The following DNER variants were observed in gnomAD, a reference collection of about 807,000 sequenced individuals.
DNER encodes the protein delta/notch like EGF repeat containing.
Under a neutral mutation model 78.2 loss-of-function variants are expected in DNER, and 33 were observed. The observed-to-expected ratio is 0.42, with a 90% CI of 0.32 to 0.56. DNER has a LOEUF of 0.56. DNER is among the 20% of genes least tolerant of loss of function. DNER has a pLI of 0.11. For synonymous variants in DNER, 417 were observed against 384.8 expected (o/e 1.08, Z -0.98); for missense variants, 918 against 975.3 (o/e 0.94, Z 0.78).
At chr2:229,558,895 C>T (rs529916679) in intron 4 of DNER, among the ~76,000 whole-genome samples, 10 of 152,258 alleles carry the variant, frequency 6.6e-5, no homozygotes, top group Admixed American at 1.3e-4. Context: ...AGATCACAAC[C>T]GGTCTCATGA....
chr2:229,556,192 A>C (rs1696853698), intron 4 of DNER, among the ~76,000 whole-genome samples: 1 of 152,234 alleles, frequency 6.6e-6, no homozygotes, highest in South Asian at 2.1e-4. Context: ...TCCTTGATGA[A>C]CACTTACTGA....
At chr2:229,667,968 A>G (rs139668140) in intron 1 of DNER, among the ~76,000 whole-genome samples, 208 of 152,342 alleles carry the variant, frequency 1.4e-3, no homozygotes, top group Non-Finnish European at 2.6e-3. Flanking sequence ...GGCAGTGACC[A>G]TGTCAGAGAA....
intron 1 of DNER, among the ~76,000 whole-genome samples, chr2:229,709,995 C>A (rs535696170): frequency 6.6e-6 from 1 of 152,156 alleles, no homozygotes; most frequent in African/African-American, 2.4e-5. Flanking sequence ...CAAGCAAGAG[C>A]GGCCTCAATT....
chr2:229,446,366 G>T (rs1694341627), intron 8 of DNER, among the ~76,000 whole-genome samples: 1 of 152,220 alleles, frequency 6.6e-6, no homozygotes, highest in African/African-American at 2.4e-5. Context: ...TGATATTGTA[G>T]GTGACTGTCG....
intron 11 of DNER, among the ~76,000 whole-genome samples, chr2:229,374,909 G>C (rs1455863078): frequency 1.3e-5 from 2 of 152,180 alleles, no homozygotes; most frequent in Non-Finnish European, 1.5e-5. Context: ...GCGTCAAGAT[G>C]TAAAACATAC....
intron 5 of DNER, among the ~76,000 whole-genome samples, chr2:229,518,953 CT>C (rs11441895): frequency 0.016 from 2,349 of 145,344 alleles, 21 homozygotes; most frequent in Middle Eastern, 0.032. Context: ...TGCGATTACT[CT>C]TTTTTTTTTT....
At chr2:229,499,792 A>G (rs1180861287) in intron 6 of DNER, among the ~76,000 whole-genome samples, 6 of 152,224 alleles carry the variant, frequency 3.9e-5, no homozygotes, top group Admixed American at 3.3e-4. Flanking sequence ...AACCTGCAGA[A>G]TAAGAGAAAA....
chr2:229,387,515 G>GA lies in DNER; in HGVS notation c.1855+749dup, dbSNP rs200985000. Among the ~76,000 whole-genome samples the GA allele has an allele frequency of 4.2e-3, 307 of 73,628 alleles. 3 individuals carry two copies. The highest frequency in any genetic ancestry group is 0.012 in the Middle Eastern group (2 of 164). The allele number at this position is 73,628 out of a possible 152,430, so 48.3% of individuals were successfully genotyped here. On this transcript the variant is annotated intron_variant, in intron 11 of 12. Transcript: ENST00000341772. Reference sequence around the variant, plus strand: ...AGAAAGAAAGAAAGAAAGAGAGAAAGAAAGAAAGAAAGAAAGAAAGAAAGA... The same window carrying GA: ...AGAAAGAAAGAAAGAAAGAGAGAAAGAAAAGAAAGAAAGAAAGAAAGAAAGA...
rs113625643 is a variant in DNER, at chr2:229,432,883, T to C, written c.1486+14433A>G. Among the ~76,000 whole-genome samples, 868 of 152,338 alleles carry C rather than the reference T, an allele frequency of 5.7e-3. 11 individuals are homozygous for C. Among genetic ancestry groups the C allele is most frequent in the African/African-American group, 0.019 (807 of 41,584 alleles). Reference sequence around the variant, plus strand: ...AAATGCGGGGAAATGGTAGGGGTTGTCCAAGGAAAATGCTACATATAGTGT... The same window carrying C: ...AAATGCGGGGAAATGGTAGGGGTTGCCCAAGGAAAATGCTACATATAGTGT... On this transcript the variant is annotated intron_variant, in intron 8 of 12. Coordinates refer to ENST00000341772, the MANE Select transcript of DNER (RefSeq NM_139072.4).
chr2:229,434,707 A>C (rs1171675497), intron 8 of DNER, among the ~76,000 whole-genome samples: 1 of 152,098 alleles, frequency 6.6e-6, no homozygotes, highest in Non-Finnish European at 1.5e-5. Flanking sequence ...GAAAAATGAA[A>C]CTTCTTTGAA....
intron 5 of DNER, among the ~76,000 whole-genome samples, chr2:229,530,073 C>T (rs7581546): frequency 0.2 from 30,372 of 151,474 alleles, 4,697 homozygotes; most frequent in African/African-American, 0.44. Context: ...TAAAAAGCAC[C>T]TATTAAACTA....
chr2:229,465,807 G>T (rs1694792745), intron 7 of DNER, among the ~76,000 whole-genome samples: 1 of 152,080 alleles, frequency 6.6e-6, no homozygotes, highest in Non-Finnish European at 1.5e-5. Context: ...GGCAGGGAAG[G>T]AAAACATGTC....
chr2:229,360,531 G>A (rs1419571504), intron 12 of DNER, among the ~76,000 whole-genome samples: 1 of 152,136 alleles, frequency 6.6e-6, no homozygotes, highest in Non-Finnish European at 1.5e-5. Flanking sequence ...TCCTGCCTCA[G>A]CTTCCCGAGT....
intron 4 of DNER, among the ~76,000 whole-genome samples, chr2:229,556,295 G>A (rs966737924): frequency 1.3e-5 from 2 of 152,242 alleles, no homozygotes; most frequent in African/African-American, 4.8e-5. Context: ...TCAGGCAAAA[G>A]TAGCAGTTCT....
chr2:229,428,868 A>G (rs1333601216), intron 8 of DNER, among the ~76,000 whole-genome samples: 1 of 152,140 alleles, frequency 6.6e-6, no homozygotes, highest in Non-Finnish European at 1.5e-5. Context: ...TGGGATGGGT[A>G]GAGAGGAAGA....
intron 3 of DNER, chr2:229,586,712 T>C (rs908960275): frequency 2.0e-6 from 2 of 985,280 alleles, no homozygotes; most frequent in Non-Finnish European, 2.4e-6. Context: ...CTTTGTCTCC[T>C]TCTCCACCTT....
intron 1 of DNER, among the ~76,000 whole-genome samples, chr2:229,710,109 T>G (rs1314265337): frequency 2.0e-5 from 3 of 152,208 alleles, no homozygotes; most frequent in Non-Finnish European, 4.4e-5. Context: ...GGACCCAGAA[T>G]TCTAACTCTA....
Position 229,515,920 on chromosome 2 carries a change from G to A in DNER, c.994-2984C>T, listed in dbSNP as rs1048705113. On this transcript the variant is annotated intron_variant, in intron 5 of 12. Transcript: ENST00000341772. ...GCCTCCCAAAGTGCTGGGATTACAGGCATGAGCCACCGCACCCAGCCTCTT... is the reference window on the plus strand; with the variant it reads ...GCCTCCCAAAGTGCTGGGATTACAGACATGAGCCACCGCACCCAGCCTCTT... Among the ~76,000 whole-genome samples, 4 of 152,144 alleles carry A rather than the reference G, an allele frequency of 2.6e-5. No individual in the cohort carries two copies. In the East Asian group the frequency reaches 7.7e-4, roughly 29 times the overall value.
At chr2:229,668,516 A>G (rs1302876648) in intron 1 of DNER, among the ~76,000 whole-genome samples, 8 of 60,002 alleles carry the variant, frequency 1.3e-4, no homozygotes, top group African/African-American at 6.3e-4. Context: ...ATAGGTAAGT[A>G]TGTGTGTGTG....
Sources: gnomAD v4.1 joint callset for allele counts (sites outside exome capture counted in the v4.1 genomes callset) on GRCh38, gnomAD v4.1.1 for gene constraint, MANE v1.5 for transcripts, NCBI Gene and HGNC (gene_info 2026-07-23, HGNC 2026-07-21) for gene names.